The following ADAMTS9 variants were observed in gnomAD, a reference collection of about 807,000 sequenced individuals.
ADAMTS9 encodes the protein A disintegrin and metalloproteinase with thrombospondin motifs 9.
In ADAMTS9, 107 loss-of-function variants were observed where a neutral mutation model predicts 257.1. The observed-to-expected ratio is 0.42, with a 90% CI of 0.36 to 0.49. The LOEUF is 0.49. ADAMTS9 is among the 20% of genes least tolerant of loss of function. ADAMTS9 has a pLI of 0.03. For missense variants in ADAMTS9, 2,353 were observed against 2,469.1 expected (o/e 0.95, Z 1.00); for synonymous variants, 982 against 880.9 (o/e 1.11, Z -2.03).
chr3:64,652,880 T>A (rs890431174), intron 8 of ADAMTS9, among the ~76,000 whole-genome samples: 10 of 152,180 alleles, frequency 6.6e-5, no homozygotes, highest in Non-Finnish European at 1.0e-4. Context: ...CTGACACCAG[T>A]GGAAAATTCC....
chr3:64,686,806 G>C lies in ADAMTS9; in HGVS notation c.278C>G (p.Ser93Cys), dbSNP rs1435769508. 1 of 1,614,008 alleles carries C rather than the reference G, an allele frequency of 6.2e-7. No homozygotes were observed. Among genetic ancestry groups the C allele is most frequent in the Non-Finnish European group, 8.5e-7 (1 of 1,180,010 alleles). Residue 93 changes from serine (S) to cysteine (C), a missense_variant, in exon 2 of 40, where the codon TCT becomes TGT. Physicochemically the swap from Ser to Cys is moderately radical, Grantham distance 112 (BLOSUM62 -1). This residue lies in a region of ADAMTS9 where 591 missense variants were observed against 569.6 expected (regional missense o/e 1.04). Coordinates refer to ENST00000498707, the MANE Select transcript of ADAMTS9 (RefSeq NM_182920.2). The surrounding 1 kb of genome is among the most constrained non-coding windows in gnomAD (Gnocchi z 4.6). ...WPAFASSSSS[S>C]TSSQAHYRLS... The stretch of plus-strand genomic sequence containing the variant: ...GCGGTAATGCGCCTGGGAGGAGGTA[G>C]AGGAGGAAGAGGAGGAGGCGAAGGC...
At chr3:64,524,989 T>C (rs2082892718) in intron 38 of ADAMTS9, among the ~76,000 whole-genome samples, 2 of 152,306 alleles carry the variant, frequency 1.3e-5, no homozygotes, top group African/African-American at 4.8e-5. Context: ...AGAACTCAGT[T>C]CAAAGCCCAT....
intron 37 of ADAMTS9, among the ~76,000 whole-genome samples, chr3:64,538,891 C>A (rs1328515368): frequency 6.6e-6 from 1 of 152,098 alleles, no homozygotes; most frequent in Non-Finnish European, 1.5e-5. Flanking sequence ...GTACAATATT[C>A]ATTTTATTTA....
chr3:64,572,285 A>G (rs1224335032), intron 28 of ADAMTS9, among the ~76,000 whole-genome samples: 2 of 152,094 alleles, frequency 1.3e-5, no homozygotes, highest in Non-Finnish European at 2.9e-5. Context: ...TTGTTCAGAG[A>G]TTGTGTTAAC....
chr3:64,678,037 G>C (rs1701665525), intron 3 of ADAMTS9, among the ~76,000 whole-genome samples: 1 of 152,138 alleles, frequency 6.6e-6, no homozygotes, highest in Non-Finnish European at 1.5e-5. Flanking sequence ...TATTCCATCT[G>C]CGTGTGAAAG....
At chr3:64,522,516 A>C in intron 38 of ADAMTS9, 1 of 320,166 alleles carries the variant, frequency 3.1e-6, no homozygotes, top group East Asian at 5.7e-5. Context: ...GAGAAAAAGT[A>C]AACCAAAAAT....
intron 31 of ADAMTS9, among the ~76,000 whole-genome samples, chr3:64,548,927 A>T (rs974925589): frequency 3.3e-5 from 5 of 152,250 alleles, no homozygotes; most frequent in African/African-American, 1.2e-4. Context: ...AGGCCCTGCT[A>T]GAAAATGCAT....
chr3:64,582,869 C>T (rs2084041094), intron 28 of ADAMTS9: 1 of 152,180 alleles, frequency 6.6e-6, no homozygotes, highest in Non-Finnish European at 1.5e-5. Flanking sequence ...TAGAATTAAT[C>T]CTACTTCCAG....
At chr3:64,605,688 C>G (rs2084544731) in intron 23 of ADAMTS9, among the ~76,000 whole-genome samples, 2 of 152,118 alleles carry the variant, frequency 1.3e-5, no homozygotes, top group Non-Finnish European at 2.9e-5. Context: ...AAATCAAGGC[C>G]CATATAGAAT....
chr3:64,588,250 A>C (rs2084195704), intron 28 of ADAMTS9: 1 of 152,164 alleles, frequency 6.6e-6, no homozygotes, highest in Non-Finnish European at 1.5e-5. Flanking sequence ...GCTGCCAGGA[A>C]AACCAAAGCA....
rs1451176326 is a variant in ADAMTS9 at position 64,603,851 on chromosome 3, C to G, written c.3747+71G>C. 1.2e-5 allele frequency: 18 copies of G among 1,527,072 alleles called. No individual in the cohort carries two copies. The South Asian group carries it at 1.2e-4, about 10-fold the overall frequency. The allele number at this position is 1,527,072 out of a possible 1,614,324, so 94.6% of individuals were successfully genotyped here. A position where few individuals can be genotyped will look rare whatever the true frequency, so the allele number is the denominator to read the frequency against. The stretch of plus-strand genomic sequence containing the variant: ...CATTGACATTTCCAAGTGGCGCCCC[C>G]CTCCGCTGACTCCTCATAGCCCTCA... On this transcript the variant is annotated intron_variant, in intron 25 of 39. Coordinates refer to ENST00000498707, the MANE Select transcript of ADAMTS9 (RefSeq NM_182920.2).
intron 29 of ADAMTS9, among the ~76,000 whole-genome samples, chr3:64,566,123 A>G (rs1401795970): frequency 6.6e-6 from 1 of 152,228 alleles, no homozygotes. Context: ...AAGACCAGAT[A>G]TAAAATCTTC....
intron 18 of ADAMTS9, among the ~76,000 whole-genome samples, chr3:64,621,791 AATAAAAAG>A (rs1392242286): frequency 7.6e-6 from 1 of 132,256 alleles, no homozygotes; most frequent in African/African-American, 2.9e-5. Flanking sequence ...AAAATAAAAA[AATAAAAAG>A]AAAAGAAAAA....
intron 29 of ADAMTS9, among the ~76,000 whole-genome samples, chr3:64,567,922 C>A (rs913153978): frequency 1.3e-5 from 2 of 152,116 alleles, no homozygotes; most frequent in African/African-American, 4.8e-5. Flanking sequence ...TGTAAGCAAG[C>A]AAATGGGCAG....
intron 29 of ADAMTS9, among the ~76,000 whole-genome samples, chr3:64,566,484 G>A (rs2083548518): frequency 6.6e-6 from 1 of 152,094 alleles, no homozygotes; most frequent in South Asian, 2.1e-4. Context: ...AGTTTATTCT[G>A]GGGAGGCATT....
chr3:64,647,376 A>G (rs919166743), intron 11 of ADAMTS9, among the ~76,000 whole-genome samples: 2 of 152,216 alleles, frequency 1.3e-5, no homozygotes, highest in Non-Finnish European at 2.9e-5. Context: ...CAAAAGTAGC[A>G]GATTTTGTTT....
At chr3:64,543,220 C>G (rs927037574) in intron 32 of ADAMTS9, among the ~76,000 whole-genome samples, 296 of 152,190 alleles carry the variant, frequency 1.9e-3, no homozygotes, top group African/African-American at 6.8e-3. Flanking sequence ...CCTTCTGAAA[C>G]TATTCCAATC....
intron 37 of ADAMTS9, among the ~76,000 whole-genome samples, chr3:64,537,685 G>A (rs773407948): frequency 1.1e-4 from 16 of 152,148 alleles, no homozygotes; most frequent in Non-Finnish European, 1.5e-4. Context: ...GATTCTGAAC[G>A]CGTCACAGAA....
chr3:64,544,963 C>T (rs2106918972), intron 32 of ADAMTS9, among the ~76,000 whole-genome samples: 1 of 151,686 alleles, frequency 6.6e-6, no homozygotes, highest in Admixed American at 6.6e-5. Context: ...TATGAACAGA[C>T]ACTTCTCAAA....
Sources: gnomAD v4.1 joint callset for allele counts (sites outside exome capture counted in the v4.1 genomes callset) on GRCh38, gnomAD v4.1.1 for gene constraint, gnomAD v4.1.1 regional missense constraint, Gnocchi (gnomAD v3.1) non-coding constraint, MANE v1.5 for transcripts, NCBI Gene and HGNC (gene_info 2026-07-23, HGNC 2026-07-21) for gene names.